The following SETD1A variants were observed in gnomAD, a reference collection of about 807,000 sequenced individuals.
SETD1A encodes the protein histone-lysine N-methyltransferase SETD1A.
A neutral mutation model predicts 149.9 loss-of-function variants in SETD1A; 29 were observed. The observed-to-expected ratio is 0.19, with a 90% CI of 0.14 to 0.26. The LOEUF (loss-of-function observed/expected upper bound fraction) is 0.26, where lower values mean the gene tolerates loss of function less well. Ranked by LOEUF, SETD1A falls within the 10% of genes least tolerant of loss-of-function variation. The pLI is 1.00. For synonymous variants in SETD1A, 1,141 were observed against 968.5 expected (o/e 1.18, Z -3.31); for missense variants, 2,109 against 2,353.1 (o/e 0.90, Z 2.15).
Position 30,964,830 on chromosome 16 carries a change from A to G in SETD1A, c.1088A>G (p.Asp363Gly). Residue 363 changes from aspartate (D) to glycine (G), a missense_variant, in exon 7 of 19, where the codon GAT (aspartate) becomes GGT (glycine). Asp to Gly is a moderately conservative substitution (Grantham distance 94). Coordinates refer to ENST00000262519, the MANE Select transcript of SETD1A (RefSeq NM_014712.3). ...TCGTCCTCTCAGTTTCGTAGTTCTG[A>G]TGCAAACTACCCAGCGTATTATGAA... The part of the protein sequence containing the change: ...SSSSSQFRSS[D>G]ANYPAYYESW... 1 of 1,614,034 alleles carries G rather than the reference A, an allele frequency of 6.2e-7. No homozygotes were observed. The highest frequency in any genetic ancestry group is 2.2e-5 in the East Asian group (1 of 44,862).
In SETD1A at chr16:30,965,172, A is replaced by G. The variant is rs779678487; in HGVS notation, c.1430A>G (p.Asn477Ser). The G allele has an allele frequency of 5.0e-6, 8 of 1,613,672 alleles. No individual in the cohort carries two copies. Among genetic ancestry groups the G allele is most frequent in the East Asian group, 4.5e-5 (2 of 44,866 alleles). Residue 477 changes from asparagine (N) to serine (S), a missense_variant, in exon 7 of 19, where the codon AAT becomes AGT. Coordinates refer to ENST00000262519, the MANE Select transcript of SETD1A (RefSeq NM_014712.3). The part of the protein sequence containing the change: ...RSGSPAPETT[N>S]ESVPFAQHSS... ...GGCTCCCCAGCCCCGGAGACCACCA[A>G]TGAGAGTGTGCCCTTCGCCCAGCAC...
At chr16:30,962,342 G>A (rs1285580233) in intron 4 of SETD1A, among the ~76,000 whole-genome samples, 1 of 152,178 alleles carries the variant, frequency 6.6e-6, no homozygotes, top group Non-Finnish European at 1.5e-5. Flanking sequence ...TGGTATTACA[G>A]GCATGAGCCA....
chr16:30,978,900 GGT>G, intron 13 of SETD1A, among the ~76,000 whole-genome samples: 1 of 152,294 alleles, frequency 6.6e-6, no homozygotes, highest in South Asian at 2.1e-4. Context: ...GGACATGGAA[GGT>G]GTGTGTGTGG....
In SETD1A at chr16:30,980,192, C is replaced by T; in HGVS notation, c.4406C>T (p.Thr1469Ile). ...AACGACACTCACTGGGTCCATCACA[C>T]AAATATCCTGAGTGTGGGCGGCCTT... is the stretch of plus-strand genomic sequence containing the variant. ...WLNDTHWVHH[T>I]ITNLTTPKRK... Residue 1469 changes from threonine to isoleucine, a missense_variant and splice_region_variant, in exon 14 of 19, where the codon ACA becomes ATA. Thr to Ile is a moderately conservative substitution (Grantham distance 89). This residue lies in a region of SETD1A where 254 missense variants were observed against 409.3 expected (regional missense o/e 0.62). Transcript: ENST00000262519. This position sits in a 1 kb window ranked among gnomAD's most constrained non-coding sequence, Gnocchi z 7.7. 6.2e-7 allele frequency: 1 copy of T among 1,601,934 alleles called. No homozygotes were observed. The highest frequency in any genetic ancestry group is 8.5e-7 in the Non-Finnish European group (1 of 1,173,542).
intron 6 of SETD1A, 131 bp from the exon 7 acceptor site, chr16:30,964,481 C>T (rs1246510747): frequency 2.7e-6 from 4 of 1,474,132 alleles, no homozygotes; most frequent in Non-Finnish European, 3.7e-6. Context: ...GGGGAACACA[C>T]TAGCTAGGAA....
At chr16:30,970,292 G>A (rs1375421292) in intron 12 of SETD1A, among the ~76,000 whole-genome samples, 1 of 129,534 alleles carries the variant, frequency 7.7e-6, no homozygotes, top group Non-Finnish European at 1.6e-5. Context: ...TTTTGAGACA[G>A]AGTCTCGCTT....
chr16:30,973,458 G>A (rs1455887307), intron 13 of SETD1A, among the ~76,000 whole-genome samples: 5 of 151,918 alleles, frequency 3.3e-5, no homozygotes, highest in Admixed American at 6.6e-5. Flanking sequence ...GTTCGAGACC[G>A]GCCTGATCAA....
chr16:30,958,959 C>T (rs2056007150), intron 2 of SETD1A, 78 bp downstream of exon 2: 2 of 1,560,162 alleles, frequency 1.3e-6, no homozygotes, highest in East Asian at 2.2e-5. Context: ...GCACCTAGAA[C>T]GGTAGCCTGC....
rs2056355607 is a variant in SETD1A, at chr16:30,980,327, T to C, written c.4408+133T>C. The C allele has an allele frequency of 1.4e-6, 2 of 1,438,726 alleles. No individual in the cohort carries two copies. Among genetic ancestry groups the C allele is most frequent in the Non-Finnish European group, 1.9e-6 (2 of 1,076,532 alleles). The allele number at this position is 1,438,726 out of a possible 1,614,324, so 89.1% of individuals were successfully genotyped here. On this transcript the variant is annotated intron_variant, in intron 14 of 18. Transcript: ENST00000262519. The surrounding 1 kb of genome is among the most constrained non-coding windows in gnomAD (Gnocchi z 7.7). Reference sequence around the variant, plus strand: ...TCTTTTCTCTCCTCCTGGTGCCTCTTTTCTGCCTTCCAAAGCATTTCTGGC... The same window carrying C: ...TCTTTTCTCTCCTCCTGGTGCCTCTCTTCTGCCTTCCAAAGCATTTCTGGC...
Position 30,979,606 on chromosome 16 carries a change from G to T in SETD1A, c.3820G>T (p.Val1274Phe). 1 of 1,611,100 alleles carries T rather than the reference G, an allele frequency of 6.2e-7. No homozygotes were observed. Among genetic ancestry groups the T allele is most frequent in the Non-Finnish European group, 8.5e-7 (1 of 1,179,738 alleles). The change falls in exon 14 of 19, where the codon GTT becomes TTT. Residue 1274 changes from valine to phenylalanine, a missense_variant. Val to Phe is a conservative substitution (Grantham distance 50). Transcript: ENST00000262519. ...GCGCGGGCTGCCTGCCCTGCCTGCT[G>T]TTGAAGACTCAGAGGCCACAGAGAC... ...ARRGLPALPA[V>F]EDSEATETSD...
intron 13 of SETD1A, 82 bp downstream of exon 13, chr16:30,971,801 A>G (rs766929423): frequency 6.9e-7 from 1 of 1,456,192 alleles, no homozygotes; most frequent in Admixed American, 2.7e-5. Flanking sequence ...TTTATTGTGT[A>G]CAAGTGTGTG....
chr16:30,964,917 C>A lies in SETD1A; in HGVS notation c.1175C>A (p.Pro392His). Reference sequence around the variant, plus strand: ...CCACGCCGGGCCACACGGGAGGAACCCCCTGGAGCCCCTTTTGCTGAAAAT... The same window carrying A: ...CCACGCCGGGCCACACGGGAGGAACACCCTGGAGCCCCTTTTGCTGAAAAT... The part of the protein sequence containing the change: ...YPPRRATREE[P>H]PGAPFAENTA... The change falls in exon 7 of 19, where the codon CCC becomes CAC. Residue 392 changes from proline to histidine, a missense_variant. By Grantham distance (77) the Pro-to-His change is moderately conservative (BLOSUM62 -2). Transcript: ENST00000262519. 6.2e-7 allele frequency: 1 copy of A among 1,614,100 alleles called. No individual in the cohort carries two copies. Among genetic ancestry groups the A allele is most frequent in the Middle Eastern group, 1.6e-4 (1 of 6,062 alleles).
rs2056098939 is a variant in SETD1A, at chr16:30,964,192, C to T, written c.738C>T (p.Asp246=). 8 of 1,614,134 alleles carry T rather than the reference C, an allele frequency of 5.0e-6. No homozygotes were observed. Among genetic ancestry groups the T allele is most frequent in the Non-Finnish European group, 5.9e-6 (7 of 1,179,990 alleles). Residue 246 remains aspartate, a synonymous_variant, in exon 6 of 19, where the codon GAC becomes GAT. Coordinates refer to ENST00000262519, the MANE Select transcript of SETD1A (RefSeq NM_014712.3). ...TPGNGTPCSQ[D]TSFSSSRQDT... is the part of the protein sequence containing the mutation. ...GCAACGGCACCCCCTGCTCCCAGGA[C>T]ACAAGCTTCTCCAGCAGCCGACAAG... is the stretch of plus-strand genomic sequence containing the variant.
intron 3 of SETD1A, among the ~76,000 whole-genome samples, chr16:30,960,505 C>G (rs2056036132): frequency 6.6e-6 from 1 of 152,164 alleles, no homozygotes; most frequent in African/African-American, 2.4e-5. Context: ...CTTCCCTGGG[C>G]TCCAGAACAC....
At chr16:30,964,398 C>A in intron 6 of SETD1A, 75 bp downstream of exon 6, 1 of 1,389,966 alleles carries the variant, frequency 7.2e-7, no homozygotes. Flanking sequence ...TGCCCAGAGT[C>A]TGTCTCCAAG....
intron 12 of SETD1A, 50 bp from the exon 13 acceptor site, chr16:30,971,328 G>A: frequency 3.9e-6 from 6 of 1,529,362 alleles, no homozygotes; most frequent in Non-Finnish European, 5.3e-6. Context: ...CCCACGGCTG[G>A]CCAAGTGAGG....
At chr16:30,975,475 G>T (rs1444494792) in intron 13 of SETD1A, among the ~76,000 whole-genome samples, 1 of 135,916 alleles carries the variant, frequency 7.4e-6, no homozygotes, top group African/African-American at 2.8e-5. Flanking sequence ...GTGTTACCCA[G>T]CCGGGAGTGC....
At chr16:30,966,837 A>AT in intron 8 of SETD1A, 47 bp from the exon 9 acceptor site, 1 of 1,495,666 alleles carries the variant, frequency 6.7e-7, no homozygotes. Context: ...GCAGGAGGGA[A>AT]TGCCTGGGTT....
In SETD1A at chr16:30,971,678, C is replaced by T; in HGVS notation, c.3317C>T (p.Thr1106Ile). Reference protein sequence around the residue: ...VPERVAGSPVTPLPEQEASPA... With the variant: ...VPERVAGSPVIPLPEQEASPA... Reference sequence around the variant, plus strand: ...GAAAGGGTTGCAGGCTCCCCAGTCACACCCCTGCCCGAACAGGAGGCGTCT... The same window carrying T: ...GAAAGGGTTGCAGGCTCCCCAGTCATACCCCTGCCCGAACAGGAGGCGTCT... Residue 1106 changes from threonine (T) to isoleucine (I), a missense_variant, in exon 13 of 19, where the codon ACA (threonine) becomes ATA (isoleucine). This residue lies in a region of SETD1A where 832 missense variants were observed against 815.6 expected (regional missense o/e 1.02). Coordinates refer to ENST00000262519, the MANE Select transcript of SETD1A (RefSeq NM_014712.3). 2 of 1,594,954 alleles carry T rather than the reference C, an allele frequency of 1.3e-6. No individual in the cohort carries two copies. The highest frequency in any genetic ancestry group is 2.7e-5 in the African/African-American group (2 of 74,518).
Sources: gnomAD v4.1 joint callset for allele counts (sites outside exome capture counted in the v4.1 genomes callset) on GRCh38, gnomAD v4.1.1 for gene constraint, gnomAD v4.1.1 regional missense constraint, Gnocchi (gnomAD v3.1) non-coding constraint, MANE v1.5 for transcripts, NCBI Gene and HGNC (gene_info 2026-07-23, HGNC 2026-07-21) for gene names.